Variants in MPP7 observed in about 807,000 individuals in gnomAD.
MPP7 encodes the protein MAGUK p55 subfamily member 7.
MPP7 carries 60 observed loss-of-function variants against 76.5 expected under a neutral mutation model. That is an observed-to-expected ratio of 0.78 (90% confidence interval 0.64 to 0.97). MPP7 has a LOEUF of 0.97. Among genes scored for constraint, MPP7 ranks in the 50% least tolerant of loss-of-function variants. MPP7 has a pLI of 0.00. For missense variants in MPP7, 641 were observed against 694.0 expected (o/e 0.92, Z 0.86); for synonymous variants, 237 against 244.5 (o/e 0.97, Z 0.29).
At chr10:28,262,127 G>A (rs1178567760) in intron 1 of MPP7, among the ~76,000 whole-genome samples, 1 of 147,432 alleles carries the variant, frequency 6.8e-6, no homozygotes. Flanking sequence ...TCCAGCCTGG[G>A]CGACAGAGCA....
At chr10:28,207,432 C>T (rs889075833) in intron 2 of MPP7, among the ~76,000 whole-genome samples, 2 of 152,100 alleles carry the variant, frequency 1.3e-5, no homozygotes, top group Non-Finnish European at 2.9e-5. Context: ...CACAGTGGCT[C>T]ACTCCTCTCA....
chr10:28,087,809 T>C (rs1010983500), intron 12 of MPP7, among the ~76,000 whole-genome samples: 5 of 152,090 alleles, frequency 3.3e-5, no homozygotes, highest in African/African-American at 1.2e-4. Context: ...GAAGGGACAG[T>C]GAGGTGGGAG....
intron 1 of MPP7, among the ~76,000 whole-genome samples, chr10:28,333,375 C>A (rs991160843): frequency 7.2e-5 from 11 of 152,152 alleles, no homozygotes; most frequent in African/African-American, 2.7e-4. Flanking sequence ...GAACTCCTGA[C>A]CTAAGGTGAT....
chr10:28,063,239 C>G (rs1022654155), intron 13 of MPP7, among the ~76,000 whole-genome samples: 1 of 152,072 alleles, frequency 6.6e-6, no homozygotes, highest in Non-Finnish European at 1.5e-5. Context: ...GCAGGTGGAT[C>G]ACTTGAGGCC....
chr10:28,311,981 G>C (rs757136098), intron 2 of MPP7, among the ~76,000 whole-genome samples: 1 of 151,952 alleles, frequency 6.6e-6, no homozygotes, highest in Non-Finnish European at 1.5e-5. Context: ...CTGGCATTGT[G>C]TCCAGAATTG....
chr10:28,278,349 T>C (rs866234127), intron 1 of MPP7, among the ~76,000 whole-genome samples: 1 of 152,070 alleles, frequency 6.6e-6, no homozygotes, highest in African/African-American at 2.4e-5. Flanking sequence ...GCCTGCTAAA[T>C]TGCATATGGA....
intron 11 of MPP7, among the ~76,000 whole-genome samples, chr10:28,107,097 C>T (rs1564633556): frequency 6.6e-6 from 1 of 152,158 alleles, no homozygotes; most frequent in African/African-American, 2.4e-5. Context: ...TAACCTAAAA[C>T]TTATGATCTC....
intron 2 of MPP7, among the ~76,000 whole-genome samples, chr10:28,211,546 AG>A (rs1838139434): frequency 6.6e-6 from 1 of 152,100 alleles, no homozygotes; most frequent in South Asian, 2.1e-4. Flanking sequence ...TATAACTAAC[AG>A]GCAGGTGAGT....
chr10:28,144,280 C>A (rs1468822941), intron 5 of MPP7, among the ~76,000 whole-genome samples: 1 of 152,182 alleles, frequency 6.6e-6, no homozygotes, highest in African/African-American at 2.4e-5. Context: ...TAGGGAGTGA[C>A]ATGTCACTTC....
chr10:28,265,022 G>A (rs1840097882), intron 1 of MPP7, among the ~76,000 whole-genome samples: 1 of 152,042 alleles, frequency 6.6e-6, no homozygotes, highest in Non-Finnish European at 1.5e-5. Context: ...ACAGGACAAG[G>A]GCAGAATCAA....
At chr10:28,320,499 T>G (rs534849183) in intron 2 of MPP7, among the ~76,000 whole-genome samples, 24 of 152,042 alleles carry the variant, frequency 1.6e-4, no homozygotes, top group Non-Finnish European at 3.1e-4. Context: ...ATAATTAAAA[T>G]TATTATTTTA....
intron 11 of MPP7, among the ~76,000 whole-genome samples, chr10:28,111,010 G>A (rs1834488984): frequency 6.6e-6 from 1 of 152,148 alleles, no homozygotes; most frequent in South Asian, 2.1e-4. Context: ...GTACAACAGA[G>A]TACATTTGTA....
intron 11 of MPP7, among the ~76,000 whole-genome samples, chr10:28,094,107 A>C (rs1853449333): frequency 6.6e-6 from 1 of 152,178 alleles, no homozygotes; most frequent in Admixed American, 6.5e-5. Flanking sequence ...GAAACTCTGG[A>C]GGTCATCTGA....
At chr10:28,118,002 G>GCAAAAA (rs1834710825) in intron 11 of MPP7, 1 of 679,004 alleles carries the variant, frequency 1.5e-6, no homozygotes, top group South Asian at 6.9e-5. Flanking sequence ...GGCAGAAAAA[G>GCAAAAA]CAAAAACAAA....
intron 1 of MPP7, among the ~76,000 whole-genome samples, chr10:28,262,318 G>A (rs1342821396): frequency 1.6e-5 from 2 of 125,080 alleles, no homozygotes; most frequent in Non-Finnish European, 3.3e-5. Flanking sequence ...GGATGGTCTC[G>A]CTCTCCTGAC....
rs755694783 is a variant in MPP7 at position 28,056,614 on chromosome 10, G to A, written c.1417C>T (p.His473Tyr). 1 of 1,587,238 alleles carries A rather than the reference G, an allele frequency of 6.3e-7. No individual in the cohort carries two copies. The highest frequency in any genetic ancestry group is 1.2e-5 in the South Asian group (1 of 85,724). Residue 473 changes from histidine to tyrosine, a missense_variant, in exon 16 of 17, where the codon CAT becomes TAT. Physicochemically the swap from His to Tyr is moderately conservative, Grantham distance 83. Transcript: ENST00000683449. Reference sequence around the variant, plus strand: ...GGCTTAAATTCTAGTGTCCTTAAATGCTTCACTGTCTACAAGGAAGAAAAG... The same window carrying A: ...GGCTTAAATTCTAGTGTCCTTAAATACTTCACTGTCTACAAGGAAGAAAAG... ...LLDVQPHTVKHLRTLEFKPYV... is the reference protein window; with the variant it reads ...LLDVQPHTVKYLRTLEFKPYV...
At chr10:28,105,978 T>C (rs1325876869) in intron 11 of MPP7, among the ~76,000 whole-genome samples, 4 of 152,166 alleles carry the variant, frequency 2.6e-5, no homozygotes, top group Admixed American at 2.6e-4. Flanking sequence ...GAGCCACCAG[T>C]TTGATATGAA....
chr10:28,085,621 ATCAAAGGCAATATAAACGT>A (rs1437695482), intron 12 of MPP7, among the ~76,000 whole-genome samples: 4 of 152,200 alleles, frequency 2.6e-5, no homozygotes, highest in Admixed American at 1.3e-4. Context: ...AGAAGCACCT[ATCAAAGGCAATATAAACGT>A]TCACTGACTG....
At chr10:28,057,901 G>C (rs1230834391) in intron 15 of MPP7, 2 of 1,184,752 alleles carry the variant, frequency 1.7e-6, no homozygotes, top group Non-Finnish European at 2.1e-6. Context: ...AAGATGTATG[G>C]TTTGATAGGG....
Sources: allele counts gnomAD v4.1 joint callset (sites outside exome capture counted in the v4.1 genomes callset), GRCh38; gene constraint gnomAD v4.1.1; transcripts MANE v1.5; gene names NCBI Gene and HGNC (gene_info 2026-07-23, HGNC 2026-07-21).